PTPRD: variants seen among roughly 807,000 people sequenced by gnomAD.
PTPRD encodes receptor-type tyrosine-protein phosphatase delta.
A neutral mutation model predicts 214.5 loss-of-function variants in PTPRD; 34 were observed. The ratio of observed to expected loss-of-function variants is 0.16; its 90% CI spans 0.12 to 0.21. PTPRD has a LOEUF of 0.21. Among genes scored for constraint, PTPRD ranks in the 10% least tolerant of loss-of-function variants. The pLI is 1.00. For synonymous variants in PTPRD, 1,128 were observed against 845.7 expected (o/e 1.33, Z -5.79); for missense variants, 2,545 against 2,398.7 (o/e 1.06, Z -1.27).
intron 8 of PTPRD, among the ~76,000 whole-genome samples, chr9:9,477,454 G>A (rs1292975201): frequency 1.3e-5 from 2 of 152,156 alleles, no homozygotes; most frequent in Admixed American, 1.3e-4. Flanking sequence ...AAAACTATCT[G>A]AGGCATAAGA....
At chr9:9,134,289 G>A (rs1166401781) in intron 10 of PTPRD, among the ~76,000 whole-genome samples, 1 of 137,318 alleles carries the variant, frequency 7.3e-6, no homozygotes, top group Non-Finnish European at 1.5e-5. Flanking sequence ...TAGCCAGGAT[G>A]GTCTCGATCT....
At chr9:10,482,215 CA>C (rs1044761096) in intron 2 of PTPRD, among the ~76,000 whole-genome samples, 2 of 151,524 alleles carry the variant, frequency 1.3e-5, no homozygotes, top group African/African-American at 2.4e-5. Context: ...ACTAAAAATA[CA>C]AAAAATTAGC....
chr9:9,383,093 G>T (rs2062817544), intron 9 of PTPRD, among the ~76,000 whole-genome samples: 1 of 151,840 alleles, frequency 6.6e-6, no homozygotes. Flanking sequence ...CTTAAATTTG[G>T]GAATTATATT....
At chr9:8,631,070 G>A (rs2096237552) in intron 14 of PTPRD, among the ~76,000 whole-genome samples, 1 of 151,832 alleles carries the variant, frequency 6.6e-6, no homozygotes, top group Admixed American at 6.6e-5. Context: ...GAACAAATGA[G>A]CCAGATTTGG....
At chr9:8,345,782 T>C (rs1313449793) in intron 39 of PTPRD, among the ~76,000 whole-genome samples, 1 of 152,124 alleles carries the variant, frequency 6.6e-6, no homozygotes. Context: ...TCTACTGGCA[T>C]CCGTTCAGAC....
chr9:8,945,045 T>G (rs578149312), intron 11 of PTPRD, among the ~76,000 whole-genome samples: 1 of 152,088 alleles, frequency 6.6e-6, no homozygotes, highest in East Asian at 1.9e-4. Flanking sequence ...TATGTACTCA[T>G]GAAAATTTAA....
chr9:9,136,470 T>TA (rs2099851064), intron 10 of PTPRD, among the ~76,000 whole-genome samples: 1 of 152,084 alleles, frequency 6.6e-6, no homozygotes, highest in African/African-American at 2.4e-5. Flanking sequence ...ATAAAAGTGG[T>TA]AAAAAACGCA....
chr9:8,844,701 C>T (rs189668773), intron 11 of PTPRD, among the ~76,000 whole-genome samples: 56 of 152,242 alleles, frequency 3.7e-4, no homozygotes, highest in Admixed American at 2.3e-3. Flanking sequence ...AAAAGATGGT[C>T]CAATAATAGC....
chr9:8,445,642 G>C (rs943224803), intron 34 of PTPRD, among the ~76,000 whole-genome samples: 6 of 152,134 alleles, frequency 3.9e-5, no homozygotes, highest in African/African-American at 1.4e-4. Context: ...CTATCAGACT[G>C]TTTATCCTGA....
At chr9:8,886,108 A>G (rs1468531977) in intron 11 of PTPRD, among the ~76,000 whole-genome samples, 1 of 152,234 alleles carries the variant, frequency 6.6e-6, no homozygotes, top group Non-Finnish European at 1.5e-5. Flanking sequence ...ACAAGACACC[A>G]ACATCTGGAA....
chr9:8,999,981 C>G (rs948070258), intron 11 of PTPRD, among the ~76,000 whole-genome samples: 2 of 151,934 alleles, frequency 1.3e-5, no homozygotes, highest in African/African-American at 4.8e-5. Context: ...GTTTCATTTC[C>G]TGATCAGACA....
At chr9:8,326,818 C>A (rs1834273965) in intron 44 of PTPRD, among the ~76,000 whole-genome samples, 1 of 149,416 alleles carries the variant, frequency 6.7e-6, no homozygotes, top group South Asian at 2.2e-4. Flanking sequence ...TTATCCATTT[C>A]TTCTAGATTT....
chr9:9,057,155 A>G (rs1212349175), intron 10 of PTPRD, among the ~76,000 whole-genome samples: 1 of 152,224 alleles, frequency 6.6e-6, no homozygotes, highest in African/African-American at 2.4e-5. Flanking sequence ...AGGAAACAGA[A>G]GATCACCTTC....
chr9:10,244,087 T>C (rs1015169435), intron 3 of PTPRD, among the ~76,000 whole-genome samples: 1 of 136,922 alleles, frequency 7.3e-6, no homozygotes, highest in African/African-American at 2.5e-5. Context: ...CTACAATCAC[T>C]GTTTACTACT....
At chr9:9,680,642 C>T (rs1477171340) in intron 7 of PTPRD, among the ~76,000 whole-genome samples, 1 of 151,782 alleles carries the variant, frequency 6.6e-6, no homozygotes, top group African/African-American at 2.4e-5. Context: ...CCACCTACTA[C>T]TAAAATATAG....
intron 3 of PTPRD, among the ~76,000 whole-genome samples, chr9:10,200,783 ATT>A (rs2099416700): frequency 6.6e-6 from 1 of 152,130 alleles, no homozygotes; most frequent in Admixed American, 6.6e-5. Flanking sequence ...TATTGGTAGA[ATT>A]TTACCTGAGG....
chr9:10,563,723 G>A (rs770567473), intron 2 of PTPRD, among the ~76,000 whole-genome samples: 47 of 151,498 alleles, frequency 3.1e-4, no homozygotes, highest in Non-Finnish European at 5.3e-4. Context: ...TTTGCTTTAC[G>A]TGTCTAAATG....
intron 7 of PTPRD, among the ~76,000 whole-genome samples, chr9:9,722,394 C>T (rs185144288): frequency 6.6e-6 from 1 of 152,004 alleles, no homozygotes; most frequent in African/African-American, 2.4e-5. Context: ...CAGCACGTAA[C>T]AGTACTTCAT....
intron 9 of PTPRD, among the ~76,000 whole-genome samples, chr9:9,373,166 C>G (rs1369584342): frequency 6.6e-6 from 1 of 152,032 alleles, no homozygotes; most frequent in Non-Finnish European, 1.5e-5. Context: ...AGGTTAAAGA[C>G]ATGGACTGAA....
Sources: gnomAD v4.1 joint callset for allele counts (sites outside exome capture counted in the v4.1 genomes callset) on GRCh38, gnomAD v4.1.1 for gene constraint, MANE v1.5 for transcripts, NCBI Gene and HGNC (gene_info 2026-07-23, HGNC 2026-07-21) for gene names.